NXPE2: variants seen among roughly 807,000 people sequenced by gnomAD.
NXPE2 encodes the protein NXPE family member 2.
In NXPE2, 34 loss-of-function variants were observed where a neutral mutation model predicts 34.4. The observed-to-expected ratio is 0.99, with a 90% CI of 0.75 to 1.31. The LOEUF (loss-of-function observed/expected upper bound fraction) is 1.31, where lower values mean the gene tolerates loss of function less well. Among genes scored for constraint, NXPE2 ranks in the 40% most tolerant of loss-of-function variants. The probability of loss-of-function intolerance (pLI) is 0.00; values close to 1 mark genes in which losing one functional copy is unlikely to be tolerated. For missense variants in NXPE2, 649 were observed against 672.5 expected (o/e 0.97, Z 0.39); for synonymous variants, 235 against 231.3 (o/e 1.02, Z -0.15).
the NXPE2 span, among the ~76,000 whole-genome samples, chr11:114,514,058 A>G: frequency 2.0e-5 from 3 of 152,166 alleles, no homozygotes; most frequent in Non-Finnish European, 2.9e-5. Context: ...ATGTGTACAT[A>G]TGTATGTGTA....
the NXPE2 span, among the ~76,000 whole-genome samples, chr11:114,544,764 T>C: frequency 9.1e-4 from 139 of 152,256 alleles, 1 homozygote; most frequent in Middle Eastern, 6.8e-3. Context: ...TGAAAGACAC[T>C]GTTAAGAGGA....
At chr11:114,678,229 C>T (rs886545790), upstream of NXPE2, among the ~76,000 whole-genome samples, 2 of 152,028 alleles carry the variant, frequency 1.3e-5, no homozygotes, top group African/African-American at 2.4e-5. Flanking sequence ...ACTAATCCTA[C>T]GTGAAAACCA....
the NXPE2 span, among the ~76,000 whole-genome samples, chr11:114,766,265 G>A: frequency 1.3e-5 from 2 of 152,006 alleles, no homozygotes; most frequent in Non-Finnish European, 2.9e-5. Flanking sequence ...TCCTGTTCTT[G>A]ATTCCCTCCA....
At chr11:114,554,792 C>T in the NXPE2 span, among the ~76,000 whole-genome samples, 1 of 152,296 alleles carries the variant, frequency 6.6e-6, no homozygotes, top group African/African-American at 2.4e-5. Flanking sequence ...GATTACTAAA[C>T]TTTATTTAGA....
chr11:114,594,527 G>A, the NXPE2 span: 1 of 645,564 alleles, frequency 1.5e-6, no homozygotes, highest in South Asian at 1.7e-5. Context: ...ATGATTATCA[G>A]GTATGTTGTT....
the NXPE2 span, among the ~76,000 whole-genome samples, chr11:114,596,957 G>A: frequency 6.6e-6 from 1 of 152,160 alleles, no homozygotes; most frequent in Admixed American, 6.6e-5. Context: ...CTTTGAAACA[G>A]GGCTGAATCC....
At chr11:114,469,109 C>CTTTTTTTTTTT in the NXPE2 span, among the ~76,000 whole-genome samples, 117 of 88,874 alleles carry the variant, frequency 1.3e-3, 9 homozygotes, top group East Asian at 4.7e-3. Flanking sequence ...ACAGTGCTAG[C>CTTTTTTTTTTT]TTTTTTTTTT....
chr11:114,703,695 TA>T (rs1951413949), intron 3 of NXPE2, among the ~76,000 whole-genome samples: 2 of 19,362 alleles, frequency 1.0e-4, no homozygotes, highest in African/African-American at 4.6e-4. Flanking sequence ...GATAGATAGA[TA>T]GATGATAGAT....
chr11:114,712,873 C>A, the NXPE2 span, among the ~76,000 whole-genome samples: 52,561 of 151,974 alleles, frequency 0.35, 9,334 homozygotes, highest in South Asian at 0.38. Context: ...AGGTGAAGCA[C>A]CTCAAATGTC....
chr11:114,525,219 C>T, the NXPE2 span, among the ~76,000 whole-genome samples: 1 of 151,780 alleles, frequency 6.6e-6, no homozygotes, highest in Non-Finnish European at 1.5e-5. Context: ...TCTTTTTTGG[C>T]CTCTCAGCTT....
At chr11:114,475,707 C>G in the NXPE2 span, among the ~76,000 whole-genome samples, 2 of 152,210 alleles carry the variant, frequency 1.3e-5, no homozygotes, top group African/African-American at 4.8e-5. Flanking sequence ...TTAGCTCTCT[C>G]TTCTGTAACC....
the NXPE2 span, among the ~76,000 whole-genome samples, chr11:114,493,974 C>G: frequency 5.1e-4 from 77 of 152,038 alleles, no homozygotes; most frequent in Non-Finnish European, 8.2e-4. Flanking sequence ...GCTGGATATA[C>G]TATTCTATGG....
chr11:114,555,421 C>T, the NXPE2 span, among the ~76,000 whole-genome samples: 1 of 152,066 alleles, frequency 6.6e-6, no homozygotes, highest in East Asian at 1.9e-4. Flanking sequence ...GAGACAGAGT[C>T]TCACCATGTT....
chr11:114,650,910 G>A, the NXPE2 span, among the ~76,000 whole-genome samples: 1 of 152,216 alleles, frequency 6.6e-6, no homozygotes, highest in East Asian at 1.9e-4. Flanking sequence ...TGGAGGGGCA[G>A]CCTGGTAATA....
the NXPE2 span, among the ~76,000 whole-genome samples, chr11:114,731,459 A>G: frequency 2.8e-3 from 425 of 152,338 alleles, no homozygotes; most frequent in African/African-American, 9.8e-3. Context: ...AATAACCCAA[A>G]CTGGAAATAA....
At chr11:114,792,744 C>CTTA in the NXPE2 span, among the ~76,000 whole-genome samples, 21,028 of 152,202 alleles carry the variant, frequency 0.14, 1,531 homozygotes, top group South Asian at 0.2. Context: ...TGCAAATCCT[C>CTTA]TTATATCAAT....
the NXPE2 span, among the ~76,000 whole-genome samples, chr11:114,477,583 C>T: frequency 6.6e-6 from 1 of 151,948 alleles, no homozygotes; most frequent in Non-Finnish European, 1.5e-5. Context: ...TTTTGGAGTT[C>T]TGTGGGAGGA....
At position 114,704,029 on chromosome 11, in the gene NXPE2, C is replaced by G; in HGVS notation, c.905C>G (p.Pro302Arg). The G allele has an allele frequency of 6.4e-7, 1 of 1,551,792 alleles. No homozygotes were observed. The highest frequency in any genetic ancestry group is 2.0e-5 in the Admixed American group (1 of 51,000). ...IGVEMMKNFT[P>R]IEVIPCNKSE... Reference sequence around the variant, plus strand: ...GTTGAAATGATGAAGAACTTTACCCCCATTGAGGTCATACCATGCAACAGT... The same window carrying G: ...GTTGAAATGATGAAGAACTTTACCCGCATTGAGGTCATACCATGCAACAGT... The change falls in exon 4 of 6, where the codon CCC (proline) becomes CGC (arginine). Residue 302 changes from proline to arginine, a missense_variant. By Grantham distance (103) the Pro-to-Arg change is moderately radical. Transcript: ENST00000389586.
At chr11:114,521,816 A>G in the NXPE2 span, 2 of 595,068 alleles carry the variant, frequency 3.4e-6, no homozygotes, top group East Asian at 5.6e-5. Flanking sequence ...ATCCCTTATC[A>G]GTTGTCATTG....
Sources: allele counts gnomAD v4.1 joint callset (sites outside exome capture counted in the v4.1 genomes callset), GRCh38; gene constraint gnomAD v4.1.1; transcripts MANE v1.5; gene names NCBI Gene and HGNC (gene_info 2026-07-23, HGNC 2026-07-21).